Variants in TMEM131L observed in about 807,000 individuals in gnomAD.
TMEM131L encodes transmembrane 131 like, also known as transmembrane protein 131-like.
Under a neutral mutation model 192.2 loss-of-function variants are expected in TMEM131L, and 54 were observed. The observed-to-expected ratio is 0.28, with a 90% CI of 0.23 to 0.35. The LOEUF (loss-of-function observed/expected upper bound fraction) is 0.35. Ranked by LOEUF, TMEM131L falls within the 10% of genes least tolerant of loss-of-function variation. The probability of loss-of-function intolerance (pLI) is 1.00; values close to 1 mark genes in which losing one functional copy is unlikely to be tolerated. For missense variants in TMEM131L, 1,888 were observed against 1,972.9 expected (o/e 0.96, Z 0.82); for synonymous variants, 701 against 704.9 (o/e 0.99, Z 0.09).
At chr4:153,630,852 C>T (rs912325316) in intron 31 of TMEM131L, among the ~76,000 whole-genome samples, 9 of 152,156 alleles carry the variant, frequency 5.9e-5, no homozygotes, top group South Asian at 4.1e-4. Flanking sequence ...TCCAGCTGGC[C>T]GCAGTGGAGA....
Position 153,529,649 on chromosome 4 carries a change from A to C in TMEM131L, c.240-20424A>C, listed in dbSNP as rs527413634. On this transcript the variant is annotated intron_variant, in intron 3 of 34. Transcript: ENST00000409959. ...AGTAGTTTGAGCACAAGGGAAAATA[A>C]ATTTTAAAATTTAAGGGTATGTGTA... 1.6e-3 allele frequency among the ~76,000 whole-genome samples: 242 copies of C among 152,306 alleles called. 3 individuals carry two copies. The highest frequency in any genetic ancestry group is 5.5e-3 in the African/African-American group (230 of 41,574).
intron 3 of TMEM131L, among the ~76,000 whole-genome samples, chr4:153,518,674 C>G (rs1338168975): frequency 6.6e-6 from 1 of 152,154 alleles, no homozygotes; most frequent in Admixed American, 6.5e-5. Context: ...TGACTGAAAT[C>G]ATGTGTGACA....
intron 3 of TMEM131L, among the ~76,000 whole-genome samples, chr4:153,546,732 A>T (rs1381894908): frequency 6.6e-6 from 1 of 152,210 alleles, no homozygotes; most frequent in African/African-American, 2.4e-5. Flanking sequence ...GTTTGAGACC[A>T]GCCTGACCAA....
intron 20 of TMEM131L, among the ~76,000 whole-genome samples, chr4:153,597,882 G>C (rs1367458560): frequency 2.6e-5 from 4 of 152,076 alleles, no homozygotes; most frequent in African/African-American, 9.7e-5. Context: ...GCAGTGAGCC[G>C]TGATCATGCC....
chr4:153,576,266 T>G (rs1250191139), intron 7 of TMEM131L, among the ~76,000 whole-genome samples: 1 of 152,166 alleles, frequency 6.6e-6, no homozygotes, highest in Non-Finnish European at 1.5e-5. Context: ...GGCCCAATTG[T>G]TTTGTTCTTT....
intron 3 of TMEM131L, among the ~76,000 whole-genome samples, chr4:153,474,449 G>A (rs920048709): frequency 6.6e-6 from 1 of 152,208 alleles, no homozygotes; most frequent in African/African-American, 2.4e-5. Flanking sequence ...CCCTAAGGCT[G>A]GAAGCCCTGC....
In TMEM131L at chr4:153,596,301, A is replaced by G. The variant is rs766316247; in HGVS notation, c.2039A>G (p.His680Arg). Residue 680 changes from histidine (H) to arginine (R), a missense_variant, in exon 20 of 35, where the codon CAT (histidine) becomes CGT (arginine). By Grantham distance (29) the His-to-Arg change is conservative. Coordinates refer to ENST00000409959, the MANE Select transcript of TMEM131L (RefSeq NM_001131007.2). Reference sequence around the variant, plus strand: ...TCCAGGTTTGGCATCCTCCACTTACATCTGCAGCCTTTGGAAATGAAAAGG... The same window carrying G: ...TCCAGGTTTGGCATCCTCCACTTACGTCTGCAGCCTTTGGAAATGAAAAGG... ...EESRFGILHL[H>R]LQPLEMKRVG... The G allele has an allele frequency of 3.1e-6, 5 of 1,613,884 alleles. No homozygotes were observed. In the African/African-American group the frequency reaches 4.0e-5, roughly 13 times the overall value.
chr4:153,558,227 C>A, intron 6 of TMEM131L, 31 bp from the exon 7 acceptor site: 1 of 1,212,316 alleles, frequency 8.2e-7, no homozygotes. Flanking sequence ...AAACTCTTAA[C>A]AGAGGAGCAA....
intron 9 of TMEM131L, 39 bp downstream of exon 9, chr4:153,581,599 C>G (rs759075607): frequency 7.5e-7 from 1 of 1,339,062 alleles, no homozygotes; most frequent in South Asian, 1.6e-5. Context: ...ATATTTTCAT[C>G]AGTCTGCATC....
chr4:153,625,578 T>G (rs1733782622), intron 29 of TMEM131L, among the ~76,000 whole-genome samples: 1 of 151,994 alleles, frequency 6.6e-6, no homozygotes, highest in African/African-American at 2.4e-5. Flanking sequence ...TAATAAATGG[T>G]GTAAAAAAAC....
At chr4:153,635,245 T>C (rs1256660418) in intron 33 of TMEM131L, among the ~76,000 whole-genome samples, 187 bp from the exon 34 acceptor site, 1 of 152,190 alleles carries the variant, frequency 6.6e-6, no homozygotes, top group African/African-American at 2.4e-5. Flanking sequence ...TCCCAGGTTG[T>C]GTGTCTGATA....
intron 3 of TMEM131L, among the ~76,000 whole-genome samples, chr4:153,543,338 G>A (rs1161474703): frequency 1.3e-5 from 2 of 151,990 alleles, no homozygotes; most frequent in Admixed American, 6.6e-5. Context: ...AACTTCTGGG[G>A]AGAAGTATTT....
intron 7 of TMEM131L, among the ~76,000 whole-genome samples, chr4:153,569,176 C>A (rs528461570): frequency 1.1e-4 from 16 of 152,172 alleles, no homozygotes; most frequent in African/African-American, 3.4e-4. Flanking sequence ...AGAAGCCTCT[C>A]ATTGTGACGT....
At chr4:153,635,919 T>TA (rs1349935308) in intron 34 of TMEM131L, among the ~76,000 whole-genome samples, 1 of 152,154 alleles carries the variant, frequency 6.6e-6, no homozygotes, top group Non-Finnish European at 1.5e-5. Context: ...ACTTCACCGA[T>TA]ACGAGATGAA....
rs7669741 is a variant in TMEM131L, at chr4:153,592,570, C to T, written c.1908C>T (p.His636=). 0.31 allele frequency: 496,209 copies of T among 1,610,740 alleles called. 78,878 individuals are homozygous for T. Among genetic ancestry groups the T allele is most frequent in the Non-Finnish European group, 0.33 (387,365 of 1,177,012 alleles). ...ACCCTAAACCCGAAGCCCTAGTGCACCTGCTCCACAGATGGTATGAAGACT... is the reference window on the plus strand; with the variant it reads ...ACCCTAAACCCGAAGCCCTAGTGCATCTGCTCCACAGATGGTATGAAGACT... ...SLYPKPEALV[H]LLHRWFGTDM... The change falls in exon 18 of 35, where the codon CAC becomes CAT. Residue 636 remains histidine (H), a synonymous_variant. Transcript: ENST00000409959.
At chr4:153,513,045 T>A (rs954204248) in intron 3 of TMEM131L, among the ~76,000 whole-genome samples, 1 of 152,194 alleles carries the variant, frequency 6.6e-6, no homozygotes. Flanking sequence ...TCTTTTTTCA[T>A]CTGCTGGTTT....
chr4:153,505,760 C>T (rs577499694), intron 3 of TMEM131L, among the ~76,000 whole-genome samples: 11 of 152,094 alleles, frequency 7.2e-5, no homozygotes, highest in Non-Finnish European at 1.6e-4. Flanking sequence ...CGAAATCATA[C>T]AAATTCAGAA....
At chr4:153,591,236 C>T (rs1731045538) in intron 17 of TMEM131L, 42 bp downstream of exon 17, 3 of 1,526,882 alleles carry the variant, frequency 2.0e-6, no homozygotes, top group Non-Finnish European at 2.6e-6. Flanking sequence ...CAGTGACTCC[C>T]CAGTGCTTGG....
chr4:153,543,857 C>T (rs1736976653), intron 3 of TMEM131L, among the ~76,000 whole-genome samples: 1 of 152,186 alleles, frequency 6.6e-6, no homozygotes, highest in Non-Finnish European at 1.5e-5. Context: ...TGTGGGATCT[C>T]TCATTTCTTT....
Sources: gnomAD v4.1 joint callset for allele counts (sites outside exome capture counted in the v4.1 genomes callset) on GRCh38, gnomAD v4.1.1 for gene constraint, MANE v1.5 for transcripts, NCBI Gene and HGNC (gene_info 2026-07-23, HGNC 2026-07-21) for gene names.